GPC6: variants seen among roughly 807,000 people sequenced by gnomAD.
The protein encoded by GPC6 is glypican-6.
Under a neutral mutation model 55.2 loss-of-function variants are expected in GPC6, and 14 were observed. That is an observed-to-expected ratio of 0.25 (90% confidence interval 0.17 to 0.40). GPC6 has a LOEUF of 0.40. Among genes scored for constraint, GPC6 ranks in the 10% least tolerant of loss-of-function variants. The probability of loss-of-function intolerance (pLI) is 1.00; values close to 1 mark genes in which losing one functional copy is unlikely to be tolerated. For synonymous variants in GPC6, 278 were observed against 259.6 expected (o/e 1.07, Z -0.68); for missense variants, 641 against 708.5 (o/e 0.90, Z 1.08).
chr13:94,394,450 G>C (rs538771160), intron 7 of GPC6, among the ~76,000 whole-genome samples: 33 of 152,194 alleles, frequency 2.2e-4, no homozygotes, highest in Non-Finnish European at 3.4e-4. Context: ...TGCAAAAACA[G>C]GATGCTGTCA....
At chr13:93,355,599 A>G (rs1165853082) in intron 1 of GPC6, among the ~76,000 whole-genome samples, 2 of 152,204 alleles carry the variant, frequency 1.3e-5, no homozygotes, top group East Asian at 3.9e-4. Flanking sequence ...ATTCACCTTT[A>G]TCAAGGTGAA....
At chr13:93,492,573 T>C (rs1328212605) in intron 1 of GPC6, among the ~76,000 whole-genome samples, 1 of 142,976 alleles carries the variant, frequency 7.0e-6, no homozygotes, top group African/African-American at 2.7e-5. Flanking sequence ...ATAGGAGTGG[T>C]GAGAGAGGGC....
chr13:93,401,155 CGTGTGTGTGTGTGTGTGTGTGTGT>C (rs5805802), intron 1 of GPC6, among the ~76,000 whole-genome samples: 1 of 143,538 alleles, frequency 7.0e-6, no homozygotes, highest in Non-Finnish European at 1.5e-5. Flanking sequence ...AGGTATTTGT[CGTGTGTGTGTGTGTGTGTGTGTGT>C]GTGTGTGTGT....
chr13:94,295,577 A>G (rs1441914241), intron 5 of GPC6, among the ~76,000 whole-genome samples: 2 of 152,162 alleles, frequency 1.3e-5, no homozygotes, highest in Non-Finnish European at 2.9e-5. Context: ...CTTTTAGGAG[A>G]AAGCAGGCTC....
chr13:94,226,667 C>T (rs527349621), intron 4 of GPC6, among the ~76,000 whole-genome samples: 9 of 152,264 alleles, frequency 5.9e-5, no homozygotes, highest in African/African-American at 1.4e-4. Flanking sequence ...TACTGCATGA[C>T]GGTTTCTTAT....
At chr13:93,808,208 CTA>C (rs60550311) in intron 2 of GPC6, among the ~76,000 whole-genome samples, 35,788 of 152,024 alleles carry the variant, frequency 0.24, 4,733 homozygotes, top group East Asian at 0.35. Context: ...CTATATAGCT[CTA>C]TGTGTAAGTT....
chr13:93,514,775 C>T (rs1055790879), intron 1 of GPC6, among the ~76,000 whole-genome samples: 6 of 152,106 alleles, frequency 3.9e-5, no homozygotes, highest in African/African-American at 1.4e-4. Flanking sequence ...ATGAGTTAGC[C>T]TGAATTATTG....
chr13:93,291,547 A>G (rs1878320384), intron 1 of GPC6, among the ~76,000 whole-genome samples: 1 of 152,078 alleles, frequency 6.6e-6, no homozygotes, highest in African/African-American at 2.4e-5. Flanking sequence ...TTATTTTATT[A>G]TAGTTTAAGT....
intron 1 of GPC6, among the ~76,000 whole-genome samples, chr13:93,270,259 A>AG (rs1400755815): frequency 3.3e-5 from 5 of 151,512 alleles, no homozygotes; most frequent in Admixed American, 3.3e-4. Context: ...CCTTAAAAAA[A>AG]AAAAAAAGGC....
At chr13:93,378,589 A>G (rs963969212) in intron 1 of GPC6, among the ~76,000 whole-genome samples, 14 of 152,156 alleles carry the variant, frequency 9.2e-5, no homozygotes, top group Non-Finnish European at 2.1e-4. Context: ...TGTGGTTCTC[A>G]GCCCCAGACC....
chr13:94,304,752 A>G (rs975151626), intron 5 of GPC6, among the ~76,000 whole-genome samples: 1 of 152,236 alleles, frequency 6.6e-6, no homozygotes, highest in African/African-American at 2.4e-5. Flanking sequence ...ACTGTGGAAA[A>G]GAACTGGCAG....
chr13:93,412,731 CAGA>C (rs1876554931), intron 1 of GPC6, among the ~76,000 whole-genome samples: 1 of 152,086 alleles, frequency 6.6e-6, no homozygotes, highest in South Asian at 2.1e-4. Context: ...TATATCTACC[CAGA>C]AGAAGAAACA....
intron 3 of GPC6, among the ~76,000 whole-genome samples, chr13:93,950,854 C>CAA (rs1290518467): frequency 2.0e-5 from 3 of 151,692 alleles, no homozygotes; most frequent in Non-Finnish European, 4.4e-5. Flanking sequence ...GGAGAAACCA[C>CAA]AAGTTCTAAA....
intron 2 of GPC6, among the ~76,000 whole-genome samples, chr13:93,617,670 G>A (rs1878781124): frequency 6.6e-6 from 1 of 151,960 alleles, no homozygotes; most frequent in Non-Finnish European, 1.5e-5. Context: ...ATATATTTTT[G>A]TAGCTAGGTA....
intron 3 of GPC6, among the ~76,000 whole-genome samples, chr13:93,970,991 C>A (rs1460213090): frequency 1.3e-5 from 2 of 152,154 alleles, no homozygotes; most frequent in Non-Finnish European, 2.9e-5. Context: ...CGTGTAATTT[C>A]AAAACAATAT....
intron 1 of GPC6, among the ~76,000 whole-genome samples, chr13:93,316,247 T>C (rs1879245100): frequency 6.6e-6 from 1 of 152,032 alleles, no homozygotes; most frequent in Admixed American, 6.6e-5. Flanking sequence ...CCCTAGACTA[T>C]TACCAAGCAG....
At chr13:93,411,746 A>G (rs560276215) in intron 1 of GPC6, among the ~76,000 whole-genome samples, 27 of 152,232 alleles carry the variant, frequency 1.8e-4, no homozygotes, top group Non-Finnish European at 1.6e-4. Context: ...CACTCCTGTA[A>G]TCTCAGCACT....
chr13:93,738,906 G>C (rs1381463506), intron 2 of GPC6, among the ~76,000 whole-genome samples: 1 of 151,400 alleles, frequency 6.6e-6, no homozygotes, highest in Non-Finnish European at 1.5e-5. Flanking sequence ...AACTCACAGT[G>C]ATAGTTTAAA....
chr13:94,081,658 G>A (rs1209740049), intron 4 of GPC6, among the ~76,000 whole-genome samples: 1 of 152,094 alleles, frequency 6.6e-6, no homozygotes, highest in East Asian at 1.9e-4. Flanking sequence ...GAAGAAGCTG[G>A]AAGTCCTGGA....
Sources: gnomAD v4.1 joint callset for allele counts (sites outside exome capture counted in the v4.1 genomes callset) on GRCh38, gnomAD v4.1.1 for gene constraint, MANE v1.5 for transcripts, NCBI Gene and HGNC (gene_info 2026-07-23, HGNC 2026-07-21) for gene names.